The following LRFN5 variants were observed in gnomAD, a reference collection of about 807,000 sequenced individuals.
The protein encoded by LRFN5 is leucine rich repeat and fibronectin type III domain containing 5.
In LRFN5, 24 loss-of-function variants were observed where a neutral mutation model predicts 45.6. That is an observed-to-expected ratio of 0.53 (90% CI 0.38 to 0.74). The LOEUF (loss-of-function observed/expected upper bound fraction) is 0.74. Among genes scored for constraint, LRFN5 ranks in the 30% least tolerant of loss-of-function variants. The pLI is 0.00. For synonymous variants in LRFN5, 340 were observed against 313.8 expected (o/e 1.08, Z -0.88); for missense variants, 776 against 861.5 (o/e 0.90, Z 1.24).
chr14:41,896,604 A>G (rs1355696105), intron 4 of LRFN5, among the ~76,000 whole-genome samples: 2 of 152,222 alleles, frequency 1.3e-5, no homozygotes, highest in Admixed American at 1.3e-4. Flanking sequence ...TTCAGAAAAG[A>G]ATAATCAAAA....
intron 1 of LRFN5, among the ~76,000 whole-genome samples, chr14:41,719,418 AAT>A (rs1178605379): frequency 6.3e-5 from 9 of 142,038 alleles, no homozygotes; most frequent in African/African-American, 2.5e-4. Flanking sequence ...GTGGTATTTT[AAT>A]ATATGTTATA....
chr14:41,841,566 G>A (rs1888860894), intron 2 of LRFN5, among the ~76,000 whole-genome samples: 1 of 151,782 alleles, frequency 6.6e-6, no homozygotes, highest in South Asian at 2.1e-4. Flanking sequence ...TTATATTTAT[G>A]TACTGTTCCA....
In LRFN5 at chr14:41,624,622, A is replaced by C. The variant is rs145172143; in HGVS notation, c.-197+16060A>C. On this transcript the variant is annotated intron_variant, in intron 1 of 5. Transcript: ENST00000298119. Reference sequence around the variant, plus strand: ...TTGAAGTGTAACCAGTGACAGACTAAAGTAACATTTTGGTTAAGCAATGTT... The same window carrying C: ...TTGAAGTGTAACCAGTGACAGACTACAGTAACATTTTGGTTAAGCAATGTT... 9.9e-5 allele frequency among the ~76,000 whole-genome samples: 15 copies of C among 152,256 alleles called. No homozygotes were observed. The East Asian group carries it at 2.9e-3, about 29-fold the overall frequency.
rs544205723 is a variant in LRFN5 at position 41,720,123 on chromosome 14, C to T, written c.-196-46731C>T. Among the ~76,000 whole-genome samples, 15 of 152,146 alleles carry T rather than the reference C, an allele frequency of 9.9e-5. No individual in the cohort carries two copies. In the East Asian group the frequency reaches 2.9e-3, roughly 29 times the overall value. On this transcript the variant is annotated intron_variant, in intron 1 of 5. Coordinates refer to ENST00000298119, the MANE Select transcript of LRFN5 (RefSeq NM_152447.5). ...TCATTAGTTTTTCCCTCATCCATCC[C>T]TTTCATTCTAGTAGTCCCCCGTGTC...
At chr14:41,741,481 C>G (rs1307213857) in intron 1 of LRFN5, among the ~76,000 whole-genome samples, 1 of 151,742 alleles carries the variant, frequency 6.6e-6, no homozygotes, top group Non-Finnish European at 1.5e-5. Context: ...GTTGACAAAA[C>G]TTTATATCCA....
rs375382591 is a variant in LRFN5 at position 41,891,478 on chromosome 14, A to G, written c.1614A>G (p.Val538=). Residue 538 remains valine, a synonymous_variant, in exon 4 of 6, where the codon GTA becomes GTG. Coordinates refer to ENST00000298119, the MANE Select transcript of LRFN5 (RefSeq NM_152447.5). The part of the protein sequence containing the change: ...TMIIIIGGII[V]ASVLVFIIIL... ...TTATTATTATTGGTGGAATCATTGT[A>G]GCATCTGTGCTGGTATTCATCATTA... The G allele has an allele frequency of 1.9e-4, 312 of 1,614,180 alleles. 1 individual carries two copies. In the South Asian group the frequency reaches 3.2e-3, roughly 16 times the overall value.
intron 2 of LRFN5, among the ~76,000 whole-genome samples, chr14:41,818,508 C>T (rs888674569): frequency 1.3e-5 from 2 of 151,816 alleles, no homozygotes; most frequent in Admixed American, 6.6e-5. Context: ...CACACAAACA[C>T]ACACACACAC....
intron 2 of LRFN5, among the ~76,000 whole-genome samples, chr14:41,799,923 G>C (rs1442087501): frequency 6.6e-6 from 1 of 151,726 alleles, no homozygotes; most frequent in Non-Finnish European, 1.5e-5. Flanking sequence ...AGAGTCAATG[G>C]AGGGGAAAGG....
chr14:41,890,658 G>A (rs1890747463), intron 3 of LRFN5, among the ~76,000 whole-genome samples: 2 of 149,446 alleles, frequency 1.3e-5, no homozygotes, highest in South Asian at 2.1e-4. Flanking sequence ...ATTGAGCCGA[G>A]ATTGCGCCAC....
At chr14:41,727,697 A>G (rs1471142782) in intron 1 of LRFN5, among the ~76,000 whole-genome samples, 1 of 152,150 alleles carries the variant, frequency 6.6e-6, no homozygotes, top group African/African-American at 2.4e-5. Context: ...ATAATACAAA[A>G]TAATAAGAGT....
chr14:41,699,027 G>T (rs564778867), intron 1 of LRFN5, among the ~76,000 whole-genome samples: 2 of 152,110 alleles, frequency 1.3e-5, no homozygotes, highest in South Asian at 4.1e-4. Context: ...TTATGAGAGT[G>T]TAAGTTGAGA....
At chr14:41,791,999 C>T (rs910046323) in intron 2 of LRFN5, among the ~76,000 whole-genome samples, 6 of 151,988 alleles carry the variant, frequency 3.9e-5, no homozygotes, top group Non-Finnish European at 5.9e-5. Flanking sequence ...GGGAATCCGC[C>T]CCCAATATTT....
chr14:41,785,637 T>C (rs1205529115), intron 2 of LRFN5, among the ~76,000 whole-genome samples: 1 of 152,162 alleles, frequency 6.6e-6, no homozygotes, highest in Non-Finnish European at 1.5e-5. Flanking sequence ...TTCTGCACTT[T>C]ATTCCTATTA....
intron 1 of LRFN5, among the ~76,000 whole-genome samples, chr14:41,660,987 C>T (rs546593058): frequency 6.6e-6 from 1 of 151,036 alleles, no homozygotes; most frequent in African/African-American, 2.4e-5. Flanking sequence ...TATATTTTTG[C>T]ACCCTTGCAT....
chr14:41,893,447 A>G (rs190738934), intron 4 of LRFN5: 1 of 985,258 alleles, frequency 1.0e-6, no homozygotes, highest in East Asian at 1.1e-4. Flanking sequence ...GCTTTGCACA[A>G]AAGAAATGAC....
rs1890772647 is a variant in LRFN5, at chr14:41,891,357, C to T, written c.1493C>T (p.Thr498Ile). The T allele has an allele frequency of 1.2e-6, 2 of 1,614,102 alleles. No individual in the cohort carries two copies. The highest frequency in any genetic ancestry group is 1.6e-4 in the Middle Eastern group (1 of 6,062). The change falls in exon 4 of 6, where the codon ACT (threonine) becomes ATT (isoleucine). Residue 498 changes from threonine (T) to isoleucine (I), a missense_variant. Thr to Ile is a moderately conservative substitution (Grantham distance 89). This residue lies in a region of LRFN5 where 465 missense variants were observed against 456.4 expected (regional missense o/e 1.02). Coordinates refer to ENST00000298119, the MANE Select transcript of LRFN5 (RefSeq NM_152447.5). ...TATGATGATGGCATCACTTCCCTCACTGCCACAAGAGTCGTGGGTTGCATC... is the reference window on the plus strand; with the variant it reads ...TATGATGATGGCATCACTTCCCTCATTGCCACAAGAGTCGTGGGTTGCATC... ...AIYDDGITSL[T>I]ATRVVGCIQF... is the part of the protein sequence containing the mutation.
chr14:41,789,640 A>C (rs1886847721), intron 2 of LRFN5, among the ~76,000 whole-genome samples: 1 of 151,980 alleles, frequency 6.6e-6, no homozygotes, highest in African/African-American at 2.4e-5. Context: ...ACTCTCAAAA[A>C]GTACACTCTG....
At chr14:41,657,732 T>G (rs535053223) in intron 1 of LRFN5, among the ~76,000 whole-genome samples, 148 of 152,126 alleles carry the variant, frequency 9.7e-4, no homozygotes, top group Non-Finnish European at 1.8e-3. Flanking sequence ...TTAAAAGCTT[T>G]CTTATTAAAG....
intron 2 of LRFN5, among the ~76,000 whole-genome samples, chr14:41,850,004 G>GCT (rs1889209792): frequency 6.6e-6 from 1 of 151,760 alleles, no homozygotes; most frequent in Non-Finnish European, 1.5e-5. Context: ...CTTTTCAAGG[G>GCT]TTAGAATAGA....
Sources: allele counts gnomAD v4.1 joint callset (sites outside exome capture counted in the v4.1 genomes callset), GRCh38; gene constraint gnomAD v4.1.1; regional missense constraint gnomAD v4.1.1; transcripts MANE v1.5; gene names NCBI Gene and HGNC (gene_info 2026-07-23, HGNC 2026-07-21).